The following CORO7 variants were observed in gnomAD, a reference collection of about 807,000 sequenced individuals.
The protein encoded by CORO7 is coronin-7.
CORO7 carries 107 observed loss-of-function variants against 126.6 expected under a neutral mutation model. The ratio of observed to expected loss-of-function variants is 0.85; its 90% CI spans 0.72 to 0.99. The LOEUF (loss-of-function observed/expected upper bound fraction) is 0.99. Ranked by LOEUF, CORO7 falls within the 50% of genes least tolerant of loss-of-function variation. The probability of loss-of-function intolerance (pLI) is 0.00; values close to 1 mark genes in which losing one functional copy is unlikely to be tolerated. For synonymous variants in CORO7, 603 were observed against 536.8 expected (o/e 1.12, Z -1.70); for missense variants, 1,314 against 1,255.8 (o/e 1.05, Z -0.70).
intron 9 of CORO7, among the ~76,000 whole-genome samples, chr16:4,385,162 G>C (rs62037617): frequency 0.58 from 87,846 of 152,074 alleles, 28,992 homozygotes; most frequent in East Asian, 0.78. Flanking sequence ...GGGGGTGTGC[G>C]AGCCCCCATC....
rs537837445 is a variant in CORO7 at position 4,362,171 on chromosome 16, G to A, written c.1403-11C>T. On this transcript the variant is annotated splice_polypyrimidine_tract_variant and intron_variant, in intron 15 of 27. Transcript: ENST00000251166. This position sits in a 1 kb window ranked among gnomAD's most constrained non-coding sequence, Gnocchi z 5.3. ...ACTTGGAACTGGGGCCTGGCAGGTGGCAGGGACATGGAACCACGTGTGAGG... is the reference window on the plus strand; with the variant it reads ...ACTTGGAACTGGGGCCTGGCAGGTGACAGGGACATGGAACCACGTGTGAGG... The A allele has an allele frequency of 6.2e-7, 1 of 1,603,118 alleles. No individual in the cohort carries two copies. The highest frequency in any genetic ancestry group is 1.7e-5 in the Admixed American group (1 of 58,014).
intron 21 of CORO7, among the ~76,000 whole-genome samples, chr16:4,359,915 CCACCCCTCTAT>C (rs2054106195): frequency 6.9e-6 from 1 of 144,900 alleles, no homozygotes; most frequent in African/African-American, 2.6e-5. Flanking sequence ...AACCCCTCAC[CCACCCCTCTAT>C]CCATCTCCCC....
In CORO7 at chr16:4,361,172, A is replaced by G. The variant is rs774678974; in HGVS notation, c.1764T>C (p.Thr588=). 4 of 1,613,010 alleles carry G rather than the reference A, an allele frequency of 2.5e-6. No homozygotes were observed. Among genetic ancestry groups the G allele is most frequent in the Non-Finnish European group, 3.4e-6 (4 of 1,179,994 alleles). ...GLEEVLTTPE[T]VLTGHTEKIC... ...CTGAGCCTGCCTGACCTGTGAGCAC[A>G]GTCTCTGGCGTGGTGAGCACCTCTT... is the stretch of plus-strand genomic sequence containing the variant. The change falls in exon 18 of 28, where the codon ACT becomes ACC. Residue 588 remains threonine (T), a synonymous_variant. Coordinates refer to ENST00000251166, the MANE Select transcript of CORO7 (RefSeq NM_024535.5).
intron 7 of CORO7, among the ~76,000 whole-genome samples, chr16:4,393,965 G>T (rs1407144425): frequency 6.6e-6 from 1 of 152,004 alleles, no homozygotes; most frequent in Non-Finnish European, 1.5e-5. Flanking sequence ...GCCGGGCATG[G>T]TGGCGGGCAC....
intron 6 of CORO7, among the ~76,000 whole-genome samples, chr16:4,400,007 A>G (rs2055742627): frequency 6.6e-6 from 1 of 152,242 alleles, no homozygotes; most frequent in Non-Finnish European, 1.5e-5. Context: ...GAAAAGTCCA[A>G]CATACAGACA....
At chr16:4,356,835 C>T (rs1258266486) in intron 26 of CORO7, 1 of 329,936 alleles carries the variant, frequency 3.0e-6, no homozygotes, top group African/African-American at 2.2e-5. Flanking sequence ...GAGGCTGCGG[C>T]ATGTGGCACC....
chr16:4,371,103 C>T (rs1327049560), intron 9 of CORO7, among the ~76,000 whole-genome samples: 1 of 152,244 alleles, frequency 6.6e-6, no homozygotes, highest in Non-Finnish European at 1.5e-5. Context: ...CCGACGGTGA[C>T]CACCCCTATG....
chr16:4,390,575 G>A (rs1458101479), intron 7 of CORO7, among the ~76,000 whole-genome samples: 1 of 152,218 alleles, frequency 6.6e-6, no homozygotes, highest in Non-Finnish European at 1.5e-5. Flanking sequence ...TCAGCCAGCA[G>A]GTGGGGACGA....
chr16:4,355,147 G>A lies in CORO7; in HGVS notation c.*11C>T, dbSNP rs763239012. Reference sequence around the variant, plus strand: ...GCAGCACAGGTGAGGTGGAGGTGACGGGGGCGCAGGCTAGTCCTGGGGCGA... The same window carrying A: ...GCAGCACAGGTGAGGTGGAGGTGACAGGGGCGCAGGCTAGTCCTGGGGCGA... On this transcript the variant is annotated 3_prime_UTR_variant, in exon 28 of 28. Coordinates refer to ENST00000251166, the MANE Select transcript of CORO7 (RefSeq NM_024535.5). 29 of 1,505,982 alleles carry A rather than the reference G, an allele frequency of 1.9e-5. No individual in the cohort carries two copies. Among genetic ancestry groups the A allele is most frequent in the Middle Eastern group, 2.4e-4 (1 of 4,172 alleles). 93.3% of individuals were successfully genotyped at this position (1,505,982 alleles called of 1,614,324 possible). A position where few individuals can be genotyped will look rare whatever the true frequency, so the allele number is the denominator to read the frequency against.
In CORO7 at chr16:4,375,783, C is replaced by T. The variant is rs184942007; in HGVS notation, c.786-10238G>A. Among the ~76,000 whole-genome samples the T allele has an allele frequency of 3.0e-4, 45 of 152,328 alleles. 1 individual carries two copies. In the East Asian group the frequency reaches 7.0e-3, roughly 24 times the overall value. Reference sequence around the variant, plus strand: ...GATTACAGGCGTGAGCCACCATGCCCGGCAGAATTTCTTGTTTAATTGGCC... The same window carrying T: ...GATTACAGGCGTGAGCCACCATGCCTGGCAGAATTTCTTGTTTAATTGGCC... On this transcript the variant is annotated intron_variant, in intron 9 of 27. Coordinates refer to ENST00000251166, the MANE Select transcript of CORO7 (RefSeq NM_024535.5).
At chr16:4,387,178 C>A (rs886303940) in intron 9 of CORO7, among the ~76,000 whole-genome samples, 3 of 150,262 alleles carry the variant, frequency 2.0e-5, no homozygotes, top group Admixed American at 1.3e-4. Flanking sequence ...TCTCTGAACA[C>A]CCCCCCCAGC....
intron 9 of CORO7, among the ~76,000 whole-genome samples, chr16:4,368,482 G>C (rs1466082728): frequency 1.3e-5 from 2 of 151,920 alleles, no homozygotes; most frequent in Admixed American, 6.6e-5. Flanking sequence ...CGCCAGCTGG[G>C]CATGGTGGCT....
chr16:4,398,147 T>C (rs2055668486), intron 6 of CORO7, among the ~76,000 whole-genome samples: 1 of 151,902 alleles, frequency 6.6e-6, no homozygotes, highest in Admixed American at 6.6e-5. Context: ...TTTGAACTCC[T>C]GGCCTCGAGT....
chr16:4,366,248 C>A (rs1036610568), intron 9 of CORO7, among the ~76,000 whole-genome samples: 1 of 152,180 alleles, frequency 6.6e-6, no homozygotes, highest in Admixed American at 6.5e-5. Flanking sequence ...TCTCTGGTCT[C>A]GAGGCAGGAG....
chr16:4,407,815 G>A (rs1193161936), intron 4 of CORO7, 131 bp from the exon 5 acceptor site: 9 of 1,191,786 alleles, frequency 7.6e-6, no homozygotes, highest in Non-Finnish European at 1.0e-5. Flanking sequence ...GGCCTTGGGA[G>A]GAGCGCCCAC....
chr16:4,365,763 C>T (rs1216423228), intron 9 of CORO7, among the ~76,000 whole-genome samples: 1 of 152,186 alleles, frequency 6.6e-6, no homozygotes, highest in African/African-American at 2.4e-5. Flanking sequence ...GGGCCTCCAC[C>T]TGCACACCTG....
At chr16:4,397,739 G>A (rs1377005723) in intron 6 of CORO7, among the ~76,000 whole-genome samples, 2 of 151,602 alleles carry the variant, frequency 1.3e-5, no homozygotes, top group African/African-American at 2.4e-5. Context: ...TCAGCCTCCC[G>A]AGTAGCTGGG....
At position 4,358,313 on chromosome 16, in the gene CORO7, C is replaced by G. The variant is rs1243353908; in HGVS notation, c.2457+54G>C. On this transcript the variant is annotated intron_variant, in intron 24 of 27. Coordinates refer to ENST00000251166, the MANE Select transcript of CORO7 (RefSeq NM_024535.5). The stretch of plus-strand genomic sequence containing the variant: ...CTGGGTCAGACGGGACCCAAACTCC[C>G]CTCTAGGCACCGAGAAGGCGGTGGG... 5 of 1,593,968 alleles carry G rather than the reference C, an allele frequency of 3.1e-6. No homozygotes were observed. The East Asian group carries it at 1.1e-4, about 36-fold the overall frequency.
At position 4,402,344 on chromosome 16, in the gene CORO7, C is replaced by T. The variant is rs138840825; in HGVS notation, c.564+3147G>A. Among the ~76,000 whole-genome samples, 1,150 of 152,246 alleles carry T rather than the reference C, an allele frequency of 7.6e-3. 4 individuals carry two copies. Among genetic ancestry groups the T allele is most frequent in the Non-Finnish European group, 0.012 (819 of 68,016 alleles). ...AATCCGAGCTCACTTCAGCCTCGAA[C>T]TCCTGGGCTCAAGCAATCTTCCTGC... On this transcript the variant is annotated intron_variant, in intron 6 of 27. Coordinates refer to ENST00000251166, the MANE Select transcript of CORO7 (RefSeq NM_024535.5).
Sources: allele counts gnomAD v4.1 joint callset (sites outside exome capture counted in the v4.1 genomes callset), GRCh38; gene constraint gnomAD v4.1.1; non-coding constraint Gnocchi (gnomAD v3.1); transcripts MANE v1.5; gene names NCBI Gene and HGNC (gene_info 2026-07-23, HGNC 2026-07-21).